Variants in FMN1 observed in about 807,000 individuals in gnomAD.
FMN1 encodes formin-1.
A neutral mutation model predicts 132.4 loss-of-function variants in FMN1; 110 were observed. That is an observed-to-expected ratio of 0.83 (90% confidence interval 0.71 to 0.97). FMN1 has a LOEUF of 0.97. Among genes scored for constraint, FMN1 ranks in the 50% least tolerant of loss-of-function variants. The pLI is 0.00. For missense variants in FMN1, 1,792 were observed against 1,705.3 expected, an observed-to-expected ratio of 1.05 and a Z score of -0.90; for synonymous variants, 722 against 651.7, an observed-to-expected ratio of 1.11 and a Z score of -1.64.
At chr15:33,054,631 T>C (rs2037134066) in intron 6 of FMN1, among the ~76,000 whole-genome samples, 1 of 152,138 alleles carries the variant, frequency 6.6e-6, no homozygotes, top group Admixed American at 6.5e-5. Context: ...ATGGTCGCAA[T>C]AGATTAGGTA....
chr15:33,164,574 G>A (rs1045457931), intron 3 of FMN1, among the ~76,000 whole-genome samples: 8 of 152,178 alleles, frequency 5.3e-5, no homozygotes, highest in Non-Finnish European at 1.0e-4. Flanking sequence ...TTCTCTCAAA[G>A]ACGTCGAGGA....
intron 6 of FMN1, chr15:33,012,438 T>C (rs569320680): frequency 7.1e-6 from 7 of 990,134 alleles, no homozygotes; most frequent in East Asian, 2.4e-5. Flanking sequence ...AAAAGACATT[T>C]GTTGCTGGCA....
At chr15:32,922,928 G>A (rs998475989) in intron 10 of FMN1, among the ~76,000 whole-genome samples, 1 of 152,172 alleles carries the variant, frequency 6.6e-6, no homozygotes, top group East Asian at 1.9e-4. Flanking sequence ...ATTTTAATGG[G>A]GAAAATGGCA....
At chr15:33,160,003 G>A (rs188016229) in intron 3 of FMN1, among the ~76,000 whole-genome samples, 1 of 152,294 alleles carries the variant, frequency 6.6e-6, no homozygotes, top group East Asian at 1.9e-4. Flanking sequence ...GAGTTGGAGG[G>A]TTAGTAGTCC....
intron 7 of FMN1, among the ~76,000 whole-genome samples, chr15:32,987,411 TCA>T (rs1351607980): frequency 6.6e-6 from 1 of 152,128 alleles, no homozygotes; most frequent in Non-Finnish European, 1.5e-5. Context: ...ACAAACTACT[TCA>T]CACTCTAAAT....
chr15:32,792,544 C>A (rs1027096675), intron 19 of FMN1, among the ~76,000 whole-genome samples: 2 of 151,982 alleles, frequency 1.3e-5, no homozygotes, highest in African/African-American at 4.8e-5. Context: ...GGAAATGTGA[C>A]ACAGTCTAGT....
chr15:33,122,319 T>C (rs964127664), intron 4 of FMN1, among the ~76,000 whole-genome samples: 2 of 152,236 alleles, frequency 1.3e-5, no homozygotes, highest in East Asian at 1.9e-4. Flanking sequence ...CAAGTAACCA[T>C]GTAATTGTGC....
chr15:33,030,149 C>T (rs781196011), intron 6 of FMN1, among the ~76,000 whole-genome samples: 1 of 152,208 alleles, frequency 6.6e-6, no homozygotes, highest in East Asian at 1.9e-4. Flanking sequence ...CAGAGCAAGA[C>T]TCCGTCTCAA....
chr15:32,941,998 C>T (rs1196315980), intron 9 of FMN1, among the ~76,000 whole-genome samples: 1 of 152,208 alleles, frequency 6.6e-6, no homozygotes, highest in East Asian at 1.9e-4. Flanking sequence ...CAGCATTCCA[C>T]TGACCTACAA....
At chr15:33,010,073 AG>A (rs1040308917) in intron 6 of FMN1, among the ~76,000 whole-genome samples, 3 of 152,198 alleles carry the variant, frequency 2.0e-5, no homozygotes, top group East Asian at 1.9e-4. Flanking sequence ...TAGTAGAGAC[AG>A]GGTTTTACTA....
intron 18 of FMN1, among the ~76,000 whole-genome samples, chr15:32,803,242 C>T (rs924733813): frequency 4.6e-5 from 7 of 152,174 alleles, no homozygotes; most frequent in African/African-American, 1.7e-4. Flanking sequence ...CTACCTCTAC[C>T]TGTCATCTAA....
At chr15:32,911,736 G>A (rs1029203089) in intron 10 of FMN1, among the ~76,000 whole-genome samples, 4 of 152,006 alleles carry the variant, frequency 2.6e-5, no homozygotes, top group African/African-American at 9.7e-5. Context: ...TAGATACATG[G>A]AACAGAGAGA....
chr15:32,910,665 G>T, intron 10 of FMN1, 130 bp from the exon 11 acceptor site: 1 of 697,434 alleles, frequency 1.4e-6, no homozygotes, highest in South Asian at 1.8e-5. Flanking sequence ...GTGCCTCTCT[G>T]CTCCCCTTCC....
At chr15:32,827,454 TAAGAA>T (rs1415350628) in intron 17 of FMN1, among the ~76,000 whole-genome samples, 3 of 152,188 alleles carry the variant, frequency 2.0e-5, no homozygotes, top group Non-Finnish European at 4.4e-5. Flanking sequence ...TCATAACATA[TAAGAA>T]AATAGCATTA....
rs117804335 is a variant in FMN1, at chr15:32,968,984, G to T, written c.2717C>A (p.Pro906Gln). 3.9e-6 allele frequency: 4 copies of T among 1,036,090 alleles called. No homozygotes were observed. Among genetic ancestry groups the T allele is most frequent in the Non-Finnish European group, 5.7e-6 (4 of 702,194 alleles). The allele number at this position is 1,036,090 out of a possible 1,614,324, so 64.2% of individuals were successfully genotyped here. A position where few individuals can be genotyped will look rare whatever the true frequency, so the allele number is the denominator to read the frequency against. The change falls in exon 8 of 21, where the codon CCG becomes CAG. Residue 906 changes from proline (P) to glutamine (Q), a missense_variant. Pro to Gln is a moderately conservative substitution (Grantham distance 76). This residue lies in a region of FMN1 where 1,150 missense variants were observed against 1,043.1 expected (regional missense o/e 1.10). Coordinates refer to ENST00000616417, the MANE Select transcript of FMN1 (RefSeq NM_001277313.2). ...AGGTAGAGGTGGCGGTGGAGGAGGC[G>T]GAGGTGGTAGCGGTGGCCCAGCACT... ...PVSAGPPLPP[P>Q]PPPPPPLPPP...
At position 32,984,267 on chromosome 15, in the gene FMN1, GT is replaced by G. The variant is rs1205239712; in HGVS notation, c.2224-14791del. Among the ~76,000 whole-genome samples the G allele has an allele frequency of 3.9e-5, 6 of 152,014 alleles. No individual in the cohort carries two copies. The East Asian group carries it at 1.2e-3, about 29-fold the overall frequency. Reference sequence around the variant, plus strand: ...GGTTTAGCTTAAAGGACTACTTTGGGTTTTTTATTTTCTTTTATGCAATAGA... The same window carrying G: ...GGTTTAGCTTAAAGGACTACTTTGGGTTTTTATTTTCTTTTATGCAATAGA... On this transcript the variant is annotated intron_variant, in intron 7 of 20. Transcript: ENST00000616417.
chr15:33,167,184 T>C (rs538063941), intron 3 of FMN1, among the ~76,000 whole-genome samples: 12 of 152,312 alleles, frequency 7.9e-5, no homozygotes, highest in Admixed American at 4.6e-4. Context: ...CCACGTGTCA[T>C]GGGCAGGCCA....
At chr15:33,177,890 C>T (rs957803407) in intron 3 of FMN1, among the ~76,000 whole-genome samples, 6 of 152,076 alleles carry the variant, frequency 3.9e-5, no homozygotes, top group Non-Finnish European at 7.4e-5. Flanking sequence ...TGCCTGTAAT[C>T]CCAGCTACTT....
At chr15:32,924,952 G>A (rs1294805288) in intron 10 of FMN1, among the ~76,000 whole-genome samples, 2 of 152,052 alleles carry the variant, frequency 1.3e-5, no homozygotes, top group Admixed American at 1.3e-4. Flanking sequence ...AACCCCCAAA[G>A]ATTTACATTT....
Sources: allele counts gnomAD v4.1 joint callset (sites outside exome capture counted in the v4.1 genomes callset), GRCh38; gene constraint gnomAD v4.1.1; regional missense constraint gnomAD v4.1.1; transcripts MANE v1.5; gene names NCBI Gene and HGNC (gene_info 2026-07-23, HGNC 2026-07-21).